LRRC31: variants seen among roughly 807,000 people sequenced by gnomAD.
LRRC31 encodes the protein leucine-rich repeat-containing protein 31.
In LRRC31, 35 loss-of-function variants were observed where a neutral mutation model predicts 46.7. The observed-to-expected ratio is 0.75, with a 90% CI of 0.57 to 0.99. The LOEUF (loss-of-function observed/expected upper bound fraction) is 0.99, where lower values mean the gene tolerates loss of function less well. Among genes scored for constraint, LRRC31 ranks in the 50% least tolerant of loss-of-function variants. The probability of loss-of-function intolerance (pLI) is 0.00; values close to 1 mark genes in which losing one functional copy is unlikely to be tolerated. For missense variants in LRRC31, 613 were observed against 626.1 expected, an observed-to-expected ratio of 0.98 and a Z score of 0.22; for synonymous variants, 236 against 235.1, an observed-to-expected ratio of 1.00 and a Z score of -0.03.
intron 1 of LRRC31, among the ~76,000 whole-genome samples, chr3:169,867,331 C>A (rs1212201475): frequency 6.9e-6 from 1 of 145,212 alleles, no homozygotes; most frequent in African/African-American, 2.6e-5. Flanking sequence ...AATCTTGGCT[C>A]ACTGAAACCT....
intron 3 of LRRC31, 26 bp from the exon 4 acceptor site, chr3:169,856,898 T>G: frequency 6.3e-7 from 1 of 1,587,498 alleles, no homozygotes; most frequent in East Asian, 2.3e-5. Context: ...CCGAAAATTC[T>G]GTTGGTCACT....
intron 1 of LRRC31, among the ~76,000 whole-genome samples, chr3:169,865,380 G>T (rs1163326567): frequency 6.6e-6 from 1 of 152,184 alleles, no homozygotes; most frequent in East Asian, 1.9e-4. Flanking sequence ...GCACCCATGG[G>T]GGGCGCATTA....
intron 8 of LRRC31, among the ~76,000 whole-genome samples, chr3:169,844,819 C>G (rs1260198505): frequency 6.6e-6 from 1 of 151,614 alleles, no homozygotes; most frequent in Non-Finnish European, 1.5e-5. Flanking sequence ...GTAGTCCCAG[C>G]TACTCAGCAG....
chr3:169,868,621 A>C (rs1378020138), intron 1 of LRRC31, among the ~76,000 whole-genome samples: 1 of 152,258 alleles, frequency 6.6e-6, no homozygotes, highest in African/African-American at 2.4e-5. Context: ...ATATGAAAAG[A>C]AAAGACTGAA....
At chr3:169,861,476 G>T (rs915794754) in intron 2 of LRRC31, among the ~76,000 whole-genome samples, 194 bp downstream of exon 2, 7 of 150,456 alleles carry the variant, frequency 4.7e-5, no homozygotes, top group African/African-American at 1.7e-4. Flanking sequence ...GCTGAGATGC[G>T]TCACTGCACT....
At chr3:169,850,603 T>A (rs1228899411) in intron 7 of LRRC31, among the ~76,000 whole-genome samples, 1 of 152,206 alleles carries the variant, frequency 6.6e-6, no homozygotes, top group Non-Finnish European at 1.5e-5. Flanking sequence ...AAATCCTGCC[T>A]CTGGCTCTTA....
Position 169,851,765 on chromosome 3 carries a change from G to GAAAGT in LRRC31, c.1008_1012dup (p.Ser338TyrfsTer33). The GAAAGT allele has an allele frequency of 6.2e-7, 1 of 1,614,124 alleles. No homozygotes were observed. ...TGATAAATCCAATTCTTGAAGATTTGAAAGTAAAGGAATGACCTGGGCTGT... is the reference window on the plus strand; with the variant it reads ...TGATAAATCCAATTCTTGAAGATTTGAAAGTAAAGTAAAGGAATGACCTGGGCTGT... On this transcript the variant is annotated frameshift_variant, in exon 7 of 9. Transcript: ENST00000316428. LOFTEE classifies it high-confidence loss of function.
At chr3:169,861,387 A>AAAG (rs1553925249) in intron 2 of LRRC31, among the ~76,000 whole-genome samples, 1 of 149,776 alleles carries the variant, frequency 6.7e-6, no homozygotes, top group African/African-American at 2.5e-5. Flanking sequence ...AAAAAAAAGA[A>AAAG]AAAAGAAAAA....
chr3:169,848,105 C>G lies in LRRC31; in HGVS notation c.1327+15G>C. 1 of 1,604,664 alleles carries G rather than the reference C, an allele frequency of 6.2e-7. No individual in the cohort carries two copies. The highest frequency in any genetic ancestry group is 1.1e-5 in the South Asian group (1 of 90,536). ...TCTGTTTGCCAAGACCGCTTGGGAACAAGTAGATACACACCCAGGAGAGCC... is the reference window on the plus strand; with the variant it reads ...TCTGTTTGCCAAGACCGCTTGGGAAGAAGTAGATACACACCCAGGAGAGCC... On this transcript the variant is annotated intron_variant, in intron 8 of 8. Transcript: ENST00000316428.
At position 169,861,575 on chromosome 3, in the gene LRRC31, T is replaced by G. The variant is rs1052845798; in HGVS notation, c.319+95A>C. 6.2e-6 allele frequency: 8 copies of G among 1,294,954 alleles called. No individual in the cohort carries two copies. In the African/African-American group the frequency reaches 1.2e-4, roughly 19 times the overall value. The allele number at this position is 1,294,954 out of a possible 1,614,324, so 80.2% of individuals were successfully genotyped here. ...AATTGTCTGGGACCACTCAGCAGAC[T>G]TGGGGTTACTAGGTGGGTAGCTGAG... On this transcript the variant is annotated intron_variant, in intron 2 of 8. Transcript: ENST00000316428.
chr3:169,842,991 AT>A (rs2108197912), intron 8 of LRRC31, among the ~76,000 whole-genome samples: 2 of 152,282 alleles, frequency 1.3e-5, no homozygotes, highest in African/African-American at 4.8e-5. Flanking sequence ...CCACCTTAAG[AT>A]TTCCATTGTA....
At chr3:169,854,211 C>T (rs948644345) in intron 6 of LRRC31, among the ~76,000 whole-genome samples, 4 of 152,304 alleles carry the variant, frequency 2.6e-5, no homozygotes, top group African/African-American at 9.6e-5. Flanking sequence ...TGGTCAGATG[C>T]TGGATGTACA....
chr3:169,865,729 C>T (rs1781311168), intron 1 of LRRC31, among the ~76,000 whole-genome samples: 2 of 152,076 alleles, frequency 1.3e-5, no homozygotes, highest in African/African-American at 4.8e-5. Context: ...TACCTCAAGT[C>T]TGGTGATTCC....
rs11337221 is a variant in LRRC31, at chr3:169,861,070, C to CTTTTTT, written c.320-348_320-343dup. The stretch of plus-strand genomic sequence containing the variant: ...GATCAATTAACTTGTTTTTCTTTTC[C>CTTTTTT]TTTTTTTTTTTTTTTTTTCAGACGG... On this transcript the variant is annotated intron_variant, in intron 2 of 8. Coordinates refer to ENST00000316428, the MANE Select transcript of LRRC31 (RefSeq NM_024727.4). Among the ~76,000 whole-genome samples, 57 of 124,992 alleles carry CTTTTTT rather than the reference C, an allele frequency of 4.6e-4. 1 individual carries two copies. Among genetic ancestry groups the CTTTTTT allele is most frequent in the African/African-American group, 1.7e-3 (55 of 33,178 alleles). The allele number at this position is 124,992 out of a possible 152,430, so 82.0% of individuals were successfully genotyped here.
At chr3:169,848,002 T>C (rs1560623606) in intron 8 of LRRC31, 118 bp downstream of exon 8, 12 of 926,094 alleles carry the variant, frequency 1.3e-5, no homozygotes, top group Non-Finnish European at 1.8e-5. Context: ...GAAGGGAATC[T>C]GCACAGAGGG....
chr3:169,845,095 A>T (rs563936704), intron 8 of LRRC31, among the ~76,000 whole-genome samples: 1 of 152,296 alleles, frequency 6.6e-6, no homozygotes, highest in South Asian at 2.1e-4. Flanking sequence ...TTATATATCC[A>T]CGTAACATTG....
At chr3:169,848,506 G>C (rs1780669470) in intron 7 of LRRC31, among the ~76,000 whole-genome samples, 1 of 152,138 alleles carries the variant, frequency 6.6e-6, no homozygotes, top group African/African-American at 2.4e-5. Context: ...CACCAGGCTG[G>C]AGTGCAGTGG....
At chr3:169,865,274 A>G (rs1781296774) in intron 1 of LRRC31, among the ~76,000 whole-genome samples, 1 of 151,864 alleles carries the variant, frequency 6.6e-6, no homozygotes, top group African/African-American at 2.4e-5. Context: ...GAAAAATTAT[A>G]TGAAGCCTTC....
chr3:169,853,621 G>T (rs1411574619), intron 6 of LRRC31: 2 of 985,708 alleles, frequency 2.0e-6, no homozygotes, highest in East Asian at 1.1e-4. Flanking sequence ...AAAGGGGATG[G>T]TAGGAACCCA....
Sources: gnomAD v4.1 joint callset for allele counts (sites outside exome capture counted in the v4.1 genomes callset) on GRCh38, gnomAD v4.1.1 for gene constraint, MANE v1.5 for transcripts, NCBI Gene and HGNC (gene_info 2026-07-23, HGNC 2026-07-21) for gene names.